Variants in PRKN observed in about 807,000 individuals in gnomAD.
The protein encoded by PRKN is parkin RBR E3 ubiquitin protein ligase.
PRKN carries 56 observed loss-of-function variants against 59.5 expected under a neutral mutation model. The observed-to-expected ratio is 0.94, with a 90% CI of 0.76 to 1.18. The LOEUF (loss-of-function observed/expected upper bound fraction) is 1.18. PRKN is among the 50% of genes most tolerant of loss of function. PRKN has a pLI of 0.00. For missense variants in PRKN, 657 were observed against 596.4 expected (o/e 1.10, Z -1.06); for synonymous variants, 250 against 222.1 (o/e 1.13, Z -1.12).
Position 162,011,122 on chromosome 6 carries a change from TTATA to T in PRKN, c.619-37709_619-37706del, listed in dbSNP as rs1319914631. ...AATATATTTATAATATATAATATAT[TTATA>T]ATATATAATTATAATATATATTATA... On this transcript the variant is annotated intron_variant, in intron 5 of 11. Transcript: ENST00000366898. Among the ~76,000 whole-genome samples, 2 of 3,586 alleles carry T rather than the reference TTATA, an allele frequency of 5.6e-4. 1 individual carries two copies. Among genetic ancestry groups the T allele is most frequent in the Non-Finnish European group, 7.0e-4 (2 of 2,874 alleles). 2.4% of individuals were successfully genotyped at this position (3,586 alleles called of 152,430 possible).
intron 7 of PRKN, among the ~76,000 whole-genome samples, chr6:161,639,964 C>A (rs1783678676): frequency 2.0e-5 from 3 of 152,158 alleles, no homozygotes; most frequent in African/African-American, 7.2e-5. Flanking sequence ...TGACTAGGGG[C>A]TCCAGAGAGA....
At chr6:161,874,893 A>G (rs1583284159) in intron 6 of PRKN, among the ~76,000 whole-genome samples, 1 of 108,908 alleles carries the variant, frequency 9.2e-6, no homozygotes, top group Non-Finnish European at 1.6e-5. Context: ...TATAATATAT[A>G]ATATATAATA....
chr6:161,702,598 T>G (rs917113310), intron 7 of PRKN, among the ~76,000 whole-genome samples: 8 of 152,042 alleles, frequency 5.3e-5, no homozygotes, highest in Admixed American at 3.3e-4. Context: ...TCTGGGAAGA[T>G]GGAAAATGTT....
At position 161,864,197 on chromosome 6, in the gene PRKN, A is replaced by AT. The variant is rs533806696; in HGVS notation, c.735-78290dup. Among the ~76,000 whole-genome samples the AT allele has an allele frequency of 2.7e-4, 41 of 152,222 alleles. 1 individual carries two copies. In the East Asian group the frequency reaches 7.9e-3, roughly 29 times the overall value. On this transcript the variant is annotated intron_variant, in intron 6 of 11. Transcript: ENST00000366898. Reference sequence around the variant, plus strand: ...TTGATTATATTTTACTCACGGTAGAATTTTTTCAAAATTGGAGTCAATCCT... The same window carrying AT: ...TTGATTATATTTTACTCACGGTAGAATTTTTTTCAAAATTGGAGTCAATCCT...
At chr6:162,484,615 C>A (rs895694270) in intron 1 of PRKN, among the ~76,000 whole-genome samples, 1 of 152,128 alleles carries the variant, frequency 6.6e-6, no homozygotes, top group Non-Finnish European at 1.5e-5. Context: ...GTTAGCCTTC[C>A]GAATCAAGAG....
At chr6:161,674,650 A>T (rs1385492284) in intron 7 of PRKN, among the ~76,000 whole-genome samples, 1 of 152,184 alleles carries the variant, frequency 6.6e-6, no homozygotes, top group Non-Finnish European at 1.5e-5. Context: ...CTTCTAATGT[A>T]CCCATCACCC....
rs139555062 is a variant in PRKN, at chr6:161,376,187, T to C, written c.1167+10607A>G. Among the ~76,000 whole-genome samples the C allele has an allele frequency of 2.1e-3, 317 of 152,130 alleles. 1 individual carries two copies. Among genetic ancestry groups the C allele is most frequent in the African/African-American group, 7.1e-3 (295 of 41,524 alleles). On this transcript the variant is annotated intron_variant, in intron 10 of 11. Transcript: ENST00000366898. The surrounding 1 kb of genome is among the most constrained non-coding windows in gnomAD (Gnocchi z 7.3). ...GTGCACCTCCTAGCCTCTCCTGGAC[T>C]GTAACTCTGAAGGGGTGGGTGTGGG...
chr6:162,224,088 ATT>A, intron 3 of PRKN, among the ~76,000 whole-genome samples: 1 of 150,670 alleles, frequency 6.6e-6, no homozygotes, highest in East Asian at 2.0e-4. Context: ...CCCCAAAAAG[ATT>A]TTTTTTTCCT....
chr6:162,062,683 C>A (rs770508972), intron 4 of PRKN, among the ~76,000 whole-genome samples: 1 of 152,072 alleles, frequency 6.6e-6, no homozygotes, highest in Non-Finnish European at 1.5e-5. Flanking sequence ...ACGTTGATCT[C>A]GACTTCTAGC....
intron 7 of PRKN, among the ~76,000 whole-genome samples, chr6:161,779,007 T>C (rs561768398): frequency 6.6e-6 from 1 of 152,306 alleles, no homozygotes; most frequent in East Asian, 1.9e-4. Context: ...TGCAATGATC[T>C]CGGCTCACTG....
At chr6:161,516,940 T>A (rs1317288955) in intron 9 of PRKN, among the ~76,000 whole-genome samples, 5 of 152,176 alleles carry the variant, frequency 3.3e-5, no homozygotes, top group Non-Finnish European at 4.4e-5. Context: ...AGTAAGTTGT[T>A]TCTCATTGTA....
intron 5 of PRKN, among the ~76,000 whole-genome samples, chr6:161,992,235 G>A (rs1781676327): frequency 6.6e-6 from 1 of 152,162 alleles, no homozygotes; most frequent in Non-Finnish European, 1.5e-5. Flanking sequence ...AGCTACTAGG[G>A]GGGCTGAGGC....
chr6:161,675,643 C>T (rs1269551134), intron 7 of PRKN, among the ~76,000 whole-genome samples: 2 of 152,076 alleles, frequency 1.3e-5, no homozygotes, highest in Admixed American at 6.6e-5. Flanking sequence ...TTGCTGCTTA[C>T]TATGCCGTTT....
At chr6:162,010,263 TTA>T (rs1013286998) in intron 5 of PRKN, among the ~76,000 whole-genome samples, 2 of 129,630 alleles carry the variant, frequency 1.5e-5, no homozygotes, top group South Asian at 2.3e-4. Flanking sequence ...AATATATATT[TTA>T]TATATATTAT....
At chr6:161,703,030 TAAA>T (rs538755289) in intron 7 of PRKN, among the ~76,000 whole-genome samples, 4 of 104,792 alleles carry the variant, frequency 3.8e-5, no homozygotes. Context: ...GATTCAACAG[TAAA>T]AAAAAAAAAA....
At chr6:162,689,346 A>G (rs2128234652) in intron 1 of PRKN, among the ~76,000 whole-genome samples, 1 of 152,044 alleles carries the variant, frequency 6.6e-6, no homozygotes, top group South Asian at 2.1e-4. Context: ...AAGATCTGTT[A>G]AAGAGCTCCA....
At chr6:162,344,979 CA>C (rs1784336879) in intron 2 of PRKN, among the ~76,000 whole-genome samples, 1 of 152,148 alleles carries the variant, frequency 6.6e-6, no homozygotes, top group African/African-American at 2.4e-5. Context: ...ACAAAGTGTG[CA>C]CCAAAAGGTA....
chr6:161,916,423 G>T (rs1453286799), intron 6 of PRKN, among the ~76,000 whole-genome samples: 1 of 152,174 alleles, frequency 6.6e-6, no homozygotes, highest in Non-Finnish European at 1.5e-5. Flanking sequence ...AAGCAAACAA[G>T]TAAGTAAAAA....
chr6:162,215,066 A>G (rs889276993), intron 3 of PRKN, among the ~76,000 whole-genome samples: 3 of 152,098 alleles, frequency 2.0e-5, no homozygotes, highest in African/African-American at 7.2e-5. Context: ...CACTTCCTCT[A>G]GGAAGTCTTA....
Sources: gnomAD v4.1 joint callset for allele counts (sites outside exome capture counted in the v4.1 genomes callset) on GRCh38, gnomAD v4.1.1 for gene constraint, Gnocchi (gnomAD v3.1) non-coding constraint, MANE v1.5 for transcripts, NCBI Gene and HGNC (gene_info 2026-07-23, HGNC 2026-07-21) for gene names.